Variants in EPB41 observed in about 807,000 individuals in gnomAD.
The protein encoded by EPB41 is erythrocyte membrane protein band 4.1.
In EPB41, 65 loss-of-function variants were observed where a neutral mutation model predicts 108.0. The ratio of observed to expected loss-of-function variants is 0.60; its 90% CI spans 0.49 to 0.74. The LOEUF is 0.74. Ranked by LOEUF, EPB41 falls within the 30% of genes least tolerant of loss-of-function variation. EPB41 has a pLI of 0.00. For missense variants in EPB41, 875 were observed against 1,037.0 expected, an observed-to-expected ratio of 0.84 and a Z score of 2.15; for synonymous variants, 336 against 358.9, an observed-to-expected ratio of 0.94 and a Z score of 0.72.
At chr1:29,105,410 G>A (rs547645580) in intron 17 of EPB41, among the ~76,000 whole-genome samples, 10 of 152,002 alleles carry the variant, frequency 6.6e-5, no homozygotes, top group African/African-American at 2.4e-4. Flanking sequence ...GCTAATTTTT[G>A]TATTTTTAGT....
intron 1 of EPB41, among the ~76,000 whole-genome samples, chr1:28,895,508 T>G (rs1010054070): frequency 9.9e-5 from 15 of 152,084 alleles, no homozygotes; most frequent in Admixed American, 2.0e-4. Flanking sequence ...TATTTTTTTT[T>G]GGATGGAGTC....
intron 16 of EPB41, chr1:29,070,421 T>A (rs1650780918): frequency 1.6e-6 from 2 of 1,232,008 alleles, no homozygotes; most frequent in Non-Finnish European, 2.0e-6. Flanking sequence ...GCAAGAAAGA[T>A]CTACTGAAAG....
chr1:28,927,393 G>A (rs1030794356), intron 1 of EPB41, among the ~76,000 whole-genome samples: 4 of 152,130 alleles, frequency 2.6e-5, no homozygotes, highest in Non-Finnish European at 5.9e-5. Context: ...CAGTAAGGAA[G>A]CATGGAGTTT....
intron 1 of EPB41, among the ~76,000 whole-genome samples, chr1:28,933,172 G>T (rs935757877): frequency 6.6e-6 from 1 of 152,074 alleles, no homozygotes; most frequent in African/African-American, 2.4e-5. Flanking sequence ...AAACATATTT[G>T]CCGTGTTCAC....
chr1:28,953,233 T>C (rs1199274786), intron 1 of EPB41, among the ~76,000 whole-genome samples: 1 of 152,226 alleles, frequency 6.6e-6, no homozygotes, highest in Non-Finnish European at 1.5e-5. Context: ...CTGGATCATT[T>C]ATCCTGTAGA....
intron 1 of EPB41, among the ~76,000 whole-genome samples, chr1:28,936,338 T>C (rs2094024091): frequency 6.6e-6 from 1 of 152,178 alleles, no homozygotes; most frequent in South Asian, 2.1e-4. Flanking sequence ...ATCTTTGGCT[T>C]TCTCTCACTT....
chr1:28,902,959 C>T (rs2091449984), intron 1 of EPB41, among the ~76,000 whole-genome samples: 1 of 152,178 alleles, frequency 6.6e-6, no homozygotes, highest in African/African-American at 2.4e-5. Context: ...GTTCTGGACT[C>T]ACACACAGCT....
At chr1:29,001,750 G>A (rs1256478715) in intron 4 of EPB41, among the ~76,000 whole-genome samples, 6 of 152,090 alleles carry the variant, frequency 3.9e-5, no homozygotes. Flanking sequence ...TATGACTTTT[G>A]TTCGTCTCCC....
chr1:28,986,873 T>A (rs1297337291), intron 1 of EPB41, among the ~76,000 whole-genome samples: 6 of 152,236 alleles, frequency 3.9e-5, no homozygotes, highest in African/African-American at 1.4e-4. Context: ...ATATTTGTCG[T>A]TGCTGTTATC....
intron 4 of EPB41, among the ~76,000 whole-genome samples, chr1:28,999,791 CT>C (rs926227573): frequency 3.4e-5 from 5 of 148,876 alleles, no homozygotes; most frequent in African/African-American, 4.9e-5. Flanking sequence ...GTGGTTTTCA[CT>C]TTTTTTTTTG....
At chr1:29,005,688 T>C (rs2096388221) in intron 4 of EPB41, among the ~76,000 whole-genome samples, 1 of 152,092 alleles carries the variant, frequency 6.6e-6, no homozygotes, top group Non-Finnish European at 1.5e-5. Context: ...CTGGAGAAGA[T>C]AATAACAGAT....
intron 2 of EPB41, among the ~76,000 whole-genome samples, chr1:28,991,634 C>T (rs1381781055): frequency 2.1e-5 from 3 of 146,092 alleles, no homozygotes; most frequent in African/African-American, 7.7e-5. Context: ...TCTGAGAGGT[C>T]GAGGCTGCAT....
At chr1:28,968,616 G>A (rs1010302806) in intron 1 of EPB41, among the ~76,000 whole-genome samples, 1 of 152,078 alleles carries the variant, frequency 6.6e-6, no homozygotes, top group Non-Finnish European at 1.5e-5. Context: ...TTAGGTTGAT[G>A]CAAAAGTAAT....
rs1478149274 is a variant in EPB41, at chr1:28,968,338, A to G, written c.-7-19093A>G. Reference sequence around the variant, plus strand: ...CCACTGCACTCCAGCCTAGCGATAGAGCAAGACTCCATCTCAAAACAAACA... The same window carrying G: ...CCACTGCACTCCAGCCTAGCGATAGGGCAAGACTCCATCTCAAAACAAACA... On this transcript the variant is annotated intron_variant, in intron 1 of 20. Transcript: ENST00000343067. Among the ~76,000 whole-genome samples the G allele has an allele frequency of 4.6e-5, 7 of 152,046 alleles. No homozygotes were observed. In the South Asian group the frequency reaches 1.5e-3, roughly 32 times the overall value.
At chr1:29,076,026 A>T (rs1428041960) in intron 16 of EPB41, among the ~76,000 whole-genome samples, 1 of 152,222 alleles carries the variant, frequency 6.6e-6, no homozygotes, top group Non-Finnish European at 1.5e-5. Context: ...ATATTAAGTG[A>T]AAATCTGTTT....
chr1:28,942,850 G>C (rs2094346530), intron 1 of EPB41, among the ~76,000 whole-genome samples: 1 of 152,164 alleles, frequency 6.6e-6, no homozygotes, highest in South Asian at 2.1e-4. Flanking sequence ...CAATTCATTA[G>C]TATTCACAGA....
intron 11 of EPB41, among the ~76,000 whole-genome samples, chr1:29,044,031 ACTC>A (rs1250810364): frequency 2.0e-5 from 3 of 151,974 alleles, no homozygotes; most frequent in Non-Finnish European, 2.9e-5. Flanking sequence ...GAAAATAAAA[ACTC>A]CTACTGTGGA....
At chr1:28,924,249 G>T (rs1362944181) in intron 1 of EPB41, among the ~76,000 whole-genome samples, 5 of 152,184 alleles carry the variant, frequency 3.3e-5, no homozygotes, top group Non-Finnish European at 7.3e-5. Context: ...AAAGCCCCTG[G>T]CCGGGTGCGT....
At chr1:28,915,282 T>C (rs758984357) in intron 1 of EPB41, among the ~76,000 whole-genome samples, 10 of 152,158 alleles carry the variant, frequency 6.6e-5, no homozygotes, top group African/African-American at 2.4e-5. Context: ...GCCTGCATCA[T>C]TGAAAAACAT....
Sources: gnomAD v4.1 joint callset for allele counts (sites outside exome capture counted in the v4.1 genomes callset) on GRCh38, gnomAD v4.1.1 for gene constraint, MANE v1.5 for transcripts, NCBI Gene and HGNC (gene_info 2026-07-23, HGNC 2026-07-21) for gene names.